Variants in GRAMD2B observed in about 807,000 individuals in gnomAD.
The protein encoded by GRAMD2B is GRAM domain containing 2B.
In GRAMD2B, 41 loss-of-function variants were observed where a neutral mutation model predicts 59.2. The observed-to-expected ratio is 0.69, with a 90% CI of 0.54 to 0.90. GRAMD2B has a LOEUF of 0.90. GRAMD2B is among the 40% of genes least tolerant of loss of function. The pLI is 0.00. For missense variants in GRAMD2B, 424 were observed against 500.5 expected (o/e 0.85, Z 1.46); for synonymous variants, 161 against 182.7 (o/e 0.88, Z 0.96).
chr5:126,450,969 C>T (rs76837261), intron 1 of GRAMD2B, among the ~76,000 whole-genome samples: 3,989 of 152,320 alleles, frequency 0.026, 74 homozygotes, highest in Non-Finnish European at 0.042. Context: ...GGGTTGTGCC[C>T]CCACACAGAG....
chr5:126,367,819 T>G (rs1449618103), upstream of GRAMD2B, among the ~76,000 whole-genome samples: 1 of 152,236 alleles, frequency 6.6e-6, no homozygotes. Flanking sequence ...TGGCGCCATC[T>G]CGGCTCACTG....
At chr5:126,362,357 A>G (rs139740407) in intron 1 of GRAMD2B, among the ~76,000 whole-genome samples, 12 of 152,350 alleles carry the variant, frequency 7.9e-5, no homozygotes, top group African/African-American at 2.9e-4. Flanking sequence ...ATTATATAAT[A>G]GTATATGAGC....
At chr5:126,363,808 A>C (rs1192341445) in intron 1 of GRAMD2B, among the ~76,000 whole-genome samples, 3 of 152,326 alleles carry the variant, frequency 2.0e-5, no homozygotes. Context: ...TGCTTAGGGC[A>C]GAATGGAAGA....
rs1774251672 is a variant in GRAMD2B, at chr5:126,493,286, T to C, written c.*330T>C. The C allele has an allele frequency of 3.4e-6, 1 of 290,058 alleles. No homozygotes were observed. The highest frequency in any genetic ancestry group is 6.5e-6 in the Non-Finnish European group (1 of 153,016). The allele number at this position is 290,058 out of a possible 1,614,324, so 18.0% of individuals were successfully genotyped here. A position where few individuals can be genotyped will look rare whatever the true frequency, so the allele number is the denominator to read the frequency against. On this transcript the variant is annotated 3_prime_UTR_variant, in exon 14 of 14. Transcript: ENST00000285689. ...TGGCGTCAGCAAACACTCCACCCTG[T>C]GCCTTTTTAGTCCTTCCCGCCCTCC...
At chr5:126,451,645 TG>T (rs1277669622) in intron 1 of GRAMD2B, among the ~76,000 whole-genome samples, 2 of 152,264 alleles carry the variant, frequency 1.3e-5, no homozygotes, top group East Asian at 1.9e-4. Flanking sequence ...TTGGGGACTT[TG>T]GGGAAAGTAT....
intron 1 of GRAMD2B, among the ~76,000 whole-genome samples, chr5:126,450,221 G>C (rs182490134): frequency 1.4e-3 from 212 of 152,200 alleles, no homozygotes; most frequent in African/African-American, 4.9e-3. Flanking sequence ...CGTCTCCACG[G>C]GGGTGGAGAG....
chr5:126,381,156 A>C (rs2897983), intron 1 of GRAMD2B, among the ~76,000 whole-genome samples: 1 of 152,084 alleles, frequency 6.6e-6, no homozygotes, highest in Non-Finnish European at 1.5e-5. Context: ...TATGGAGATG[A>C]TCATGTGATT....
chr5:126,471,623 C>A (rs545611810), intron 3 of GRAMD2B, among the ~76,000 whole-genome samples: 1 of 152,284 alleles, frequency 6.6e-6, no homozygotes, highest in Non-Finnish European at 1.5e-5. Context: ...AATGCCTTCA[C>A]AATAATACAG....
At chr5:126,371,481 C>G (rs1754748846) in exon 1 of GRAMD2B, 3 of 1,289,094 alleles carry the variant, frequency 2.3e-6, no homozygotes, top group South Asian at 2.5e-5. Context: ...ACACGGTGTT[C>G]CGGTTTGAGA....
intron 1 of GRAMD2B, among the ~76,000 whole-genome samples, chr5:126,394,604 C>A (rs567379524): frequency 6.6e-6 from 1 of 152,272 alleles, no homozygotes; most frequent in South Asian, 2.1e-4. Context: ...AATATTCTGC[C>A]TTCCATTTCA....
chr5:126,444,316 G>T (rs557843959), intron 1 of GRAMD2B, among the ~76,000 whole-genome samples: 2 of 152,308 alleles, frequency 1.3e-5, no homozygotes, highest in South Asian at 4.1e-4. Context: ...GCTTAGAAAA[G>T]ACCTTTCTTC....
intron 6 of GRAMD2B, among the ~76,000 whole-genome samples, chr5:126,478,468 TG>T (rs1459415112): frequency 6.7e-6 from 1 of 148,958 alleles, no homozygotes; most frequent in African/African-American, 2.5e-5. Context: ...AGGCCAGGCA[TG>T]GGGGCTCACA....
intron 1 of GRAMD2B, among the ~76,000 whole-genome samples, chr5:126,390,523 A>G (rs1481689046): frequency 1.3e-5 from 2 of 152,236 alleles, no homozygotes; most frequent in Non-Finnish European, 2.9e-5. Context: ...TTAGACCCCA[A>G]AGAGGAATAT....
upstream of GRAMD2B, among the ~76,000 whole-genome samples, chr5:126,367,852 C>T (rs1754536530): frequency 6.6e-6 from 1 of 152,116 alleles, no homozygotes; most frequent in Non-Finnish European, 1.5e-5. Context: ...TCCCGGTTCA[C>T]GCCATTCTCC....
chr5:126,423,097 A>C, upstream of GRAMD2B: 2 of 896,404 alleles, frequency 2.2e-6, no homozygotes, highest in Non-Finnish European at 2.7e-6. Flanking sequence ...CAGCCCACAC[A>C]GCGCATTTGT....
intron 1 of GRAMD2B, among the ~76,000 whole-genome samples, chr5:126,425,046 G>C (rs1760362751): frequency 6.6e-6 from 1 of 152,188 alleles, no homozygotes; most frequent in African/African-American, 2.4e-5. Flanking sequence ...AAGATTTTAA[G>C]ATCCTTCATG....
chr5:126,442,747 G>A (rs1473519851), intron 1 of GRAMD2B, among the ~76,000 whole-genome samples: 1 of 151,686 alleles, frequency 6.6e-6, no homozygotes, highest in East Asian at 1.9e-4. Flanking sequence ...AATTAAATGT[G>A]GTCTCTATTA....
At chr5:126,461,214 C>T (rs760883731) in intron 1 of GRAMD2B, among the ~76,000 whole-genome samples, 1 of 152,130 alleles carries the variant, frequency 6.6e-6, no homozygotes, top group Non-Finnish European at 1.5e-5. Flanking sequence ...AATACATTCC[C>T]AGCAGGAGCG....
chr5:126,480,941 A>C, intron 8 of GRAMD2B: 1 of 554,856 alleles, frequency 1.8e-6, no homozygotes, highest in South Asian at 2.3e-5. Flanking sequence ...CTAGTAGACT[A>C]TCTTGGTGAG....
Sources: allele counts gnomAD v4.1 joint callset (sites outside exome capture counted in the v4.1 genomes callset), GRCh38; gene constraint gnomAD v4.1.1; transcripts MANE v1.5; gene names NCBI Gene and HGNC (gene_info 2026-07-23, HGNC 2026-07-21).